The following C1orf146 variants were observed in gnomAD, a reference collection of about 807,000 sequenced individuals.
C1orf146 encodes the protein protein SPO16 homolog.
Under a neutral mutation model 23.0 loss-of-function variants are expected in C1orf146, and 22 were observed. That is an observed-to-expected ratio of 0.96 (90% CI 0.68 to 1.36). The LOEUF is 1.36. C1orf146 is among the 40% of genes most tolerant of loss of function. The pLI is 0.00. For synonymous variants in C1orf146, 59 were observed against 65.3 expected (o/e 0.90, Z 0.47); for missense variants, 199 against 206.8 (o/e 0.96, Z 0.23).
chr1:92,218,240 T>G (rs975284513), intron 1 of C1orf146, among the ~76,000 whole-genome samples, 192 bp downstream of exon 1: 1 of 152,146 alleles, frequency 6.6e-6, no homozygotes, highest in African/African-American at 2.4e-5. Context: ...AAGGGCTCCC[T>G]CGGGGTTTTC....
chr1:92,229,381 G>A (rs541302927), intron 1 of C1orf146: 12 of 541,030 alleles, frequency 2.2e-5, no homozygotes, highest in South Asian at 5.8e-5. Context: ...CACCGGAACC[G>A]TTCGTTGCCG....
intron 1 of C1orf146, among the ~76,000 whole-genome samples, chr1:92,219,643 C>G (rs1440562187): frequency 6.6e-6 from 1 of 151,718 alleles, no homozygotes; most frequent in Admixed American, 6.6e-5. Context: ...TTCCCCACCC[C>G]CACTGTTTAA....
chr1:92,233,949 T>C (rs989277916), intron 2 of C1orf146, among the ~76,000 whole-genome samples: 12 of 152,290 alleles, frequency 7.9e-5, no homozygotes, highest in African/African-American at 2.9e-4. Flanking sequence ...GTGATTTTTG[T>C]ACATTGATTT....
At chr1:92,240,936 G>C (rs1557491600) in intron 2 of C1orf146, 1 of 462,424 alleles carries the variant, frequency 2.2e-6, no homozygotes, top group Admixed American at 2.4e-5. Context: ...TATTTGAAAT[G>C]GTTAGTATTA....
At chr1:92,225,319 C>T (rs1174654585) in intron 1 of C1orf146, among the ~76,000 whole-genome samples, 1 of 152,114 alleles carries the variant, frequency 6.6e-6, no homozygotes, top group Admixed American at 6.5e-5. Flanking sequence ...GTTGCCCAAG[C>T]TGGGCACAAA....
At chr1:92,236,667 T>C (rs1333751177) in intron 2 of C1orf146, among the ~76,000 whole-genome samples, 1 of 152,198 alleles carries the variant, frequency 6.6e-6, no homozygotes, top group Non-Finnish European at 1.5e-5. Context: ...CCTTGCTAGA[T>C]TGGGGAAGTT....
At chr1:92,230,064 ATTGTTG>A (rs34469076) in intron 1 of C1orf146, among the ~76,000 whole-genome samples, 2 of 151,464 alleles carry the variant, frequency 1.3e-5, no homozygotes, top group East Asian at 2.0e-4. Flanking sequence ...TGTATGGTGC[ATTGTTG>A]TTGTTGTTCT....
At chr1:92,221,152 T>C (rs1211328465) in intron 1 of C1orf146, among the ~76,000 whole-genome samples, 2 of 152,040 alleles carry the variant, frequency 1.3e-5, no homozygotes, top group Admixed American at 6.6e-5. Flanking sequence ...TATGCAGCCA[T>C]GAAAAGAAAG....
intron 1 of C1orf146, among the ~76,000 whole-genome samples, chr1:92,224,889 C>T (rs180904691): frequency 1.3e-5 from 2 of 151,938 alleles, no homozygotes; most frequent in African/African-American, 2.4e-5. Flanking sequence ...ACTACAGGCG[C>T]GTGCCACCAC....
chr1:92,226,605 T>C (rs903943694), intron 1 of C1orf146, among the ~76,000 whole-genome samples: 1 of 152,242 alleles, frequency 6.6e-6, no homozygotes, highest in African/African-American at 2.4e-5. Flanking sequence ...TTTCTTTTGG[T>C]TAATGGTTGT....
At chr1:92,238,568 T>C (rs1032357353) in intron 2 of C1orf146, among the ~76,000 whole-genome samples, 6 of 152,204 alleles carry the variant, frequency 3.9e-5, no homozygotes, top group Non-Finnish European at 7.3e-5. Context: ...CTCTTGAACT[T>C]ACTGTTTTCT....
chr1:92,227,623 T>TCAGAG (rs1652000440), intron 1 of C1orf146, among the ~76,000 whole-genome samples: 1 of 152,196 alleles, frequency 6.6e-6, no homozygotes, highest in Admixed American at 6.5e-5. Flanking sequence ...TCTGATTTTA[T>TCAGAG]TTTTGTCATA....
chr1:92,230,468 T>C (rs1325947673), intron 1 of C1orf146, among the ~76,000 whole-genome samples: 1 of 151,846 alleles, frequency 6.6e-6, no homozygotes, highest in Admixed American at 6.6e-5. Flanking sequence ...AAAAAAAGAT[T>C]AGCTGGGTGT....
chr1:92,241,690 C>CA (rs1204975770), intron 2 of C1orf146, among the ~76,000 whole-genome samples: 1 of 152,146 alleles, frequency 6.6e-6, no homozygotes, highest in African/African-American at 2.4e-5. Flanking sequence ...AGGCTGGTCT[C>CA]AAATTCCTGA....
intron 2 of C1orf146, among the ~76,000 whole-genome samples, chr1:92,238,213 G>A (rs531579308): frequency 1.2e-4 from 18 of 152,170 alleles, no homozygotes; most frequent in Non-Finnish European, 2.2e-4. Flanking sequence ...GGGATTACAG[G>A]CTTGAGCCAC....
intron 2 of C1orf146, among the ~76,000 whole-genome samples, chr1:92,237,249 G>A (rs900733929): frequency 6.6e-6 from 1 of 151,968 alleles, no homozygotes; most frequent in African/African-American, 2.4e-5. Flanking sequence ...ATCTACTTTT[G>A]GTCTTTGATG....
At position 92,233,123 on chromosome 1, in the gene C1orf146, A is replaced by G. The variant is rs572006583; in HGVS notation, c.66+1637A>G. Among the ~76,000 whole-genome samples, 22 of 151,972 alleles carry G rather than the reference A, an allele frequency of 1.4e-4. 1 individual carries two copies. The East Asian group carries it at 2.9e-3, about 20-fold the overall frequency. Reference sequence around the variant, plus strand: ...AAGCTCTTTAGTTTAATTAGATCCCATTTGTCAATTTTGGCTTTTGTTGCC... The same window carrying G: ...AAGCTCTTTAGTTTAATTAGATCCCGTTTGTCAATTTTGGCTTTTGTTGCC... On this transcript the variant is annotated intron_variant, in intron 2 of 5. Transcript: ENST00000370375.
intron 1 of C1orf146, among the ~76,000 whole-genome samples, chr1:92,224,219 T>G (rs2100728523): frequency 6.6e-6 from 1 of 151,168 alleles, no homozygotes; most frequent in South Asian, 2.1e-4. Context: ...CCTGGCTAAT[T>G]TTTTGTATTT....
chr1:92,225,938 G>C (rs769500387), intron 1 of C1orf146, among the ~76,000 whole-genome samples: 6 of 151,950 alleles, frequency 3.9e-5, no homozygotes, highest in Non-Finnish European at 8.8e-5. Context: ...GTTGGATTTT[G>C]GTTTGACTGT....
Sources: allele counts gnomAD v4.1 joint callset (sites outside exome capture counted in the v4.1 genomes callset), GRCh38; gene constraint gnomAD v4.1.1; transcripts MANE v1.5; gene names NCBI Gene and HGNC (gene_info 2026-07-23, HGNC 2026-07-21).